Variants in LAMA2 observed in about 807,000 individuals in gnomAD.
LAMA2 encodes the protein laminin subunit alpha 2.
Under a neutral mutation model 364.8 loss-of-function variants are expected in LAMA2, and 269 were observed. The observed-to-expected ratio is 0.74, with a 90% CI of 0.67 to 0.82. LAMA2 has a LOEUF of 0.82. LAMA2 is among the 40% of genes least tolerant of loss of function. The probability of loss-of-function intolerance (pLI) is 0.00; values close to 1 mark genes in which losing one functional copy is unlikely to be tolerated. For synonymous variants in LAMA2, 1,379 were observed against 1,370.6 expected (o/e 1.01, Z -0.14); for missense variants, 3,807 against 3,873.2 (o/e 0.98, Z 0.45).
Position 129,059,767 on chromosome 6 carries a change from T to C in LAMA2, c.284-17T>C. 3.5e-6 allele frequency: 5 copies of C among 1,421,654 alleles called. No individual in the cohort carries two copies. Among genetic ancestry groups the C allele is most frequent in the Non-Finnish European group, 5.0e-6 (5 of 1,004,326 alleles). The allele number at this position is 1,421,654 out of a possible 1,614,324, so 88.1% of individuals were successfully genotyped here. On this transcript the variant is annotated splice_polypyrimidine_tract_variant and intron_variant, in intron 2 of 64. Coordinates refer to ENST00000421865, the MANE Select transcript of LAMA2 (RefSeq NM_000426.4). ...ATCTTTTCTTCTTCCTTTCATATGA[T>C]GCTGCTAACTCAATAGAGAGACACC... is the stretch of plus-strand genomic sequence containing the variant.
chr6:129,263,795 A>G (rs969339386), intron 15 of LAMA2, among the ~76,000 whole-genome samples: 2 of 152,162 alleles, frequency 1.3e-5, no homozygotes, highest in African/African-American at 4.8e-5. Flanking sequence ...GCTGGAGTGC[A>G]GTGATGCTGT....
chr6:129,008,370 G>T (rs1261060020), intron 1 of LAMA2, among the ~76,000 whole-genome samples: 1 of 152,070 alleles, frequency 6.6e-6, no homozygotes, highest in Non-Finnish European at 1.5e-5. Flanking sequence ...TTTTCTTCCA[G>T]TACTGAAAAT....
At position 129,468,212 on chromosome 6, in the gene LAMA2, C is replaced by T. The variant is rs569690154; in HGVS notation, c.7300+2923C>T. ...CTCTATTGTATCTCTATGGTATCAC[C>T]GTTAAAAAGAAATTAAGCCCTATGA... On this transcript the variant is annotated intron_variant, in intron 51 of 64. Transcript: ENST00000421865. Among the ~76,000 whole-genome samples, 5 of 151,746 alleles carry T rather than the reference C, an allele frequency of 3.3e-5. No individual in the cohort carries two copies. In the East Asian group the frequency reaches 5.8e-4, roughly 18 times the overall value.
rs148000985 is a variant in LAMA2 at position 129,516,180 on chromosome 6, C to G, written c.9212-10C>G. The G allele has an allele frequency of 3.7e-5, 59 of 1,614,048 alleles. No homozygotes were observed. In the African/African-American group the frequency reaches 7.5e-4, roughly 20 times the overall value. ...TTCAAAGCTGAGCCCTCTTGCATTG[C>G]CTTTTTCAGATGACCTCAAGCAGTT... On this transcript the variant is annotated splice_polypyrimidine_tract_variant and intron_variant, in intron 64 of 64. Transcript: ENST00000421865.
chr6:128,920,422 C>T (rs1014966004), intron 1 of LAMA2, among the ~76,000 whole-genome samples: 1 of 152,056 alleles, frequency 6.6e-6, no homozygotes, highest in Admixed American at 6.5e-5. Flanking sequence ...TCCCAAAGTG[C>T]TGGGATTACA....
intron 51 of LAMA2, 67 bp from the exon 52 acceptor site, chr6:129,473,147 T>C: frequency 3.2e-6 from 4 of 1,266,002 alleles, no homozygotes; most frequent in Non-Finnish European, 4.6e-6. Context: ...TCTTGAAGTA[T>C]TAATGATGAT....
At chr6:128,972,098 C>T (rs1782222311) in intron 1 of LAMA2, among the ~76,000 whole-genome samples, 1 of 152,120 alleles carries the variant, frequency 6.6e-6, no homozygotes, top group African/African-American at 2.4e-5. Flanking sequence ...GGAGACCAGC[C>T]TGTTGGAAAG....
Position 129,478,750 on chromosome 6 carries a change from A to T in LAMA2, c.7509A>T (p.Arg2503Ser). 6.2e-7 allele frequency: 1 copy of T among 1,612,180 alleles called. No homozygotes were observed. The highest frequency in any genetic ancestry group is 1.3e-5 in the African/African-American group (1 of 75,002). ...SGCLKDIEIS[R>S]TPYNILSSPD... ...GCCTCAAAGATATTGAAATTTCAAG[A>T]ACTCCGTACAATATACTCAGTAGTC... The change falls in exon 54 of 65, where the codon AGA becomes AGT. Residue 2503 changes from arginine to serine, a missense_variant. Physicochemically the swap from Arg to Ser is moderately radical, Grantham distance 110. Transcript: ENST00000421865.
chr6:129,315,720 G>A, intron 25 of LAMA2, 42 bp from the exon 26 acceptor site: 4 of 1,611,344 alleles, frequency 2.5e-6, no homozygotes, highest in Non-Finnish European at 2.5e-6. Context: ...CACACCATTT[G>A]GAGATTTATC....
At chr6:129,468,671 T>C (rs1193510371) in intron 51 of LAMA2, among the ~76,000 whole-genome samples, 1 of 151,922 alleles carries the variant, frequency 6.6e-6, no homozygotes, top group Non-Finnish European at 1.5e-5. Flanking sequence ...CTTAAAGCAG[T>C]AAAATCTAAA....
At chr6:128,936,777 T>G (rs1401621555) in intron 1 of LAMA2, among the ~76,000 whole-genome samples, 1 of 152,168 alleles carries the variant, frequency 6.6e-6, no homozygotes, top group South Asian at 2.1e-4. Context: ...AGATGAAATA[T>G]GGTGAACGAC....
intron 1 of LAMA2, among the ~76,000 whole-genome samples, chr6:129,004,876 C>T (rs1312327771): frequency 1.3e-5 from 2 of 151,986 alleles, no homozygotes; most frequent in Non-Finnish European, 2.9e-5. Flanking sequence ...AAACACTTTT[C>T]AGGATATATA....
chr6:128,889,710 T>C (rs976947772), intron 1 of LAMA2, among the ~76,000 whole-genome samples: 2 of 152,220 alleles, frequency 1.3e-5, no homozygotes, highest in African/African-American at 2.4e-5. Flanking sequence ...TCTTCCTTAT[T>C]AAAAGCCACA....
chr6:129,227,249 T>C (rs1784359117), intron 12 of LAMA2, among the ~76,000 whole-genome samples: 2 of 152,054 alleles, frequency 1.3e-5, no homozygotes, highest in African/African-American at 2.4e-5. Flanking sequence ...TTTTTCAAGG[T>C]TTTTAGCTTC....
chr6:129,481,199 G>A, intron 54 of LAMA2, 64 bp from the exon 55 acceptor site: 1 of 1,268,302 alleles, frequency 7.9e-7, no homozygotes, highest in Non-Finnish European at 1.2e-6. Flanking sequence ...GGGTGAGTGA[G>A]ATGGAGAACT....
At chr6:129,415,235 C>A (rs1232020062) in intron 40 of LAMA2, among the ~76,000 whole-genome samples, 1 of 152,064 alleles carries the variant, frequency 6.6e-6, no homozygotes, top group Non-Finnish European at 1.5e-5. Flanking sequence ...ATAATTGTGC[C>A]ATGGCAGAAT....
intron 14 of LAMA2, among the ~76,000 whole-genome samples, chr6:129,252,913 TC>T (rs1387479013): frequency 4.6e-5 from 7 of 152,226 alleles, no homozygotes; most frequent in Non-Finnish European, 1.0e-4. Context: ...GAGGAACGTT[TC>T]TTTTCAGTGT....
chr6:128,984,126 C>T (rs1783066922), intron 1 of LAMA2, among the ~76,000 whole-genome samples: 1 of 152,042 alleles, frequency 6.6e-6, no homozygotes, highest in Non-Finnish European at 1.5e-5. Context: ...GCTATCCTTG[C>T]AAATTTCACC....
At chr6:129,383,569 C>G (rs1271902761) in intron 35 of LAMA2, among the ~76,000 whole-genome samples, 1 of 152,182 alleles carries the variant, frequency 6.6e-6, no homozygotes, top group African/African-American at 2.4e-5. Flanking sequence ...CATTTTCAAG[C>G]AAGCTAATGT....
Sources: allele counts gnomAD v4.1 joint callset (sites outside exome capture counted in the v4.1 genomes callset), GRCh38; gene constraint gnomAD v4.1.1; transcripts MANE v1.5; gene names NCBI Gene and HGNC (gene_info 2026-07-23, HGNC 2026-07-21).